RPS6KC1: variants seen among roughly 807,000 people sequenced by gnomAD.
The protein encoded by RPS6KC1 is ribosomal protein S6 kinase C1.
A neutral mutation model predicts 103.8 loss-of-function variants in RPS6KC1; 54 were observed. That is an observed-to-expected ratio of 0.52 (90% CI 0.42 to 0.65). The LOEUF (loss-of-function observed/expected upper bound fraction) is 0.65, where lower values mean the gene tolerates loss of function less well. Ranked by LOEUF, RPS6KC1 falls within the 30% of genes least tolerant of loss-of-function variation. The pLI, the probability that RPS6KC1 is intolerant of heterozygous loss-of-function variation, is 0.00. For missense variants in RPS6KC1, 1,151 were observed against 1,253.8 expected (o/e 0.92, Z 1.24); for synonymous variants, 439 against 438.7 (o/e 1.00, Z -0.01).
At chr1:213,063,930 A>G (rs2078063690) in intron 1 of RPS6KC1, among the ~76,000 whole-genome samples, 1 of 152,210 alleles carries the variant, frequency 6.6e-6, no homozygotes, top group Non-Finnish European at 1.5e-5. Context: ...AGTGTAAGGT[A>G]ATACTTTTTA....
the RPS6KC1 span, among the ~76,000 whole-genome samples, chr1:213,522,189 A>G: frequency 3.9e-5 from 6 of 152,254 alleles, no homozygotes. Context: ...CTATTTGCAC[A>G]TCTCCATCAG....
intron 7 of RPS6KC1, among the ~76,000 whole-genome samples, chr1:213,173,148 C>A (rs2091608774): frequency 6.6e-6 from 1 of 152,072 alleles, no homozygotes; most frequent in Non-Finnish European, 1.5e-5. Context: ...ATTTGTATGT[C>A]CTTTTGCCAT....
chr1:213,123,580 G>T (rs1359420011), intron 5 of RPS6KC1, among the ~76,000 whole-genome samples: 1 of 152,120 alleles, frequency 6.6e-6, no homozygotes, highest in Non-Finnish European at 1.5e-5. Flanking sequence ...TCACATACAG[G>T]AATCTTAACT....
At chr1:213,124,138 A>C (rs905478775) in intron 5 of RPS6KC1, among the ~76,000 whole-genome samples, 1 of 152,118 alleles carries the variant, frequency 6.6e-6, no homozygotes, top group Non-Finnish European at 1.5e-5. Context: ...GGGGCCCTCT[A>C]ATAGCCCTGA....
chr1:213,278,413 A>G (rs754004998), downstream of RPS6KC1, among the ~76,000 whole-genome samples: 7 of 152,174 alleles, frequency 4.6e-5, no homozygotes, highest in Non-Finnish European at 5.9e-5. Flanking sequence ...AACAAGAAGA[A>G]AAGGAGAGGT....
the RPS6KC1 span, among the ~76,000 whole-genome samples, chr1:213,580,717 C>T: frequency 6.6e-5 from 10 of 152,012 alleles, no homozygotes; most frequent in Admixed American, 6.5e-4. Context: ...GACCCTCTAC[C>T]AGTGAAAAGA....
At chr1:213,498,978 C>T in the RPS6KC1 span, among the ~76,000 whole-genome samples, 1 of 151,580 alleles carries the variant, frequency 6.6e-6, no homozygotes, top group Non-Finnish European at 1.5e-5. Flanking sequence ...CAGGGTTTCT[C>T]CATGTTGTCC....
At chr1:213,484,135 C>A in the RPS6KC1 span, among the ~76,000 whole-genome samples, 1 of 144,216 alleles carries the variant, frequency 6.9e-6, no homozygotes, top group Non-Finnish European at 1.6e-5. Flanking sequence ...AGAAGGAAGA[C>A]AACCCATGAT....
At chr1:213,539,219 C>A in the RPS6KC1 span, among the ~76,000 whole-genome samples, 15 of 152,192 alleles carry the variant, frequency 9.9e-5, no homozygotes, top group African/African-American at 3.6e-4. Flanking sequence ...GATGGGCTAC[C>A]CACCAGAAGT....
At chr1:213,093,550 A>G (rs759674719) in intron 3 of RPS6KC1, among the ~76,000 whole-genome samples, 1 of 152,132 alleles carries the variant, frequency 6.6e-6, no homozygotes, top group South Asian at 2.1e-4. Flanking sequence ...ATTAGTAAGT[A>G]AACTTCAGCA....
chr1:213,625,940 T>G, the RPS6KC1 span, among the ~76,000 whole-genome samples: 1 of 152,172 alleles, frequency 6.6e-6, no homozygotes, highest in African/African-American at 2.4e-5. Flanking sequence ...TTTGGGTATA[T>G]ATCCAGTAAT....
chr1:213,810,812 T>C, the RPS6KC1 span, among the ~76,000 whole-genome samples: 1 of 152,216 alleles, frequency 6.6e-6, no homozygotes, highest in Non-Finnish European at 1.5e-5. Context: ...ATGATATAAA[T>C]GTTACCATCC....
the RPS6KC1 span, among the ~76,000 whole-genome samples, chr1:213,339,217 G>C: frequency 6.6e-6 from 1 of 152,246 alleles, no homozygotes; most frequent in South Asian, 2.1e-4. Context: ...AGTGAACTGA[G>C]ACCATGCCAT....
the RPS6KC1 span, among the ~76,000 whole-genome samples, chr1:213,617,348 G>A: frequency 6.6e-6 from 1 of 152,134 alleles, no homozygotes; most frequent in Non-Finnish European, 1.5e-5. Context: ...TTAGCCAAAT[G>A]TATGTAACTG....
the RPS6KC1 span, among the ~76,000 whole-genome samples, chr1:213,430,722 T>C: frequency 6.6e-6 from 1 of 152,366 alleles, no homozygotes; most frequent in South Asian, 2.1e-4. Flanking sequence ...TTGTAAATCA[T>C]GCCATTATAT....
chr1:213,208,382 T>A (rs931250942), intron 8 of RPS6KC1, among the ~76,000 whole-genome samples: 2 of 152,246 alleles, frequency 1.3e-5, no homozygotes, highest in Admixed American at 6.5e-5. Flanking sequence ...TGACTTGTTT[T>A]TCTCCTCCTT....
At chr1:213,145,070 C>T (rs1396920953) in intron 6 of RPS6KC1, among the ~76,000 whole-genome samples, 1 of 151,854 alleles carries the variant, frequency 6.6e-6, no homozygotes, top group African/African-American at 2.4e-5. Context: ...GCAAGACTCC[C>T]ATCTAAAAAA....
At chr1:213,403,051 C>T in the RPS6KC1 span, among the ~76,000 whole-genome samples, 9 of 151,768 alleles carry the variant, frequency 5.9e-5, no homozygotes, top group Non-Finnish European at 1.3e-4. Context: ...TGGCGTGAAC[C>T]CGAGAGGCAG....
the RPS6KC1 span, among the ~76,000 whole-genome samples, chr1:213,363,612 TGC>T: frequency 2.9e-4 from 22 of 75,788 alleles, no homozygotes; most frequent in African/African-American, 9.2e-4. Flanking sequence ...CTCGCTTGCT[TGC>T]TTGCTTGCTT....
Sources: allele counts gnomAD v4.1 joint callset (sites outside exome capture counted in the v4.1 genomes callset), GRCh38; gene constraint gnomAD v4.1.1; transcripts MANE v1.5; gene names NCBI Gene and HGNC (gene_info 2026-07-23, HGNC 2026-07-21).